Variants in PTPN2 observed in about 807,000 individuals in gnomAD.
PTPN2 encodes protein tyrosine phosphatase non-receptor type 2, also known as tyrosine-protein phosphatase non-receptor type 2.
In PTPN2, 19 loss-of-function variants were observed where a neutral mutation model predicts 57.3. The observed-to-expected ratio is 0.33, with a 90% CI of 0.23 to 0.49. The LOEUF (loss-of-function observed/expected upper bound fraction) is 0.49. Ranked by LOEUF, PTPN2 falls within the 20% of genes least tolerant of loss-of-function variation. The pLI is 0.99. For missense variants in PTPN2, 358 were observed against 501.1 expected (o/e 0.71, Z 2.73); for synonymous variants, 153 against 164.9 (o/e 0.93, Z 0.55).
At chr18:12,794,948 G>C (rs1259986460) in intron 8 of PTPN2, among the ~76,000 whole-genome samples, 1 of 152,164 alleles carries the variant, frequency 6.6e-6, no homozygotes, top group African/African-American at 2.4e-5. Flanking sequence ...ATTCTTTAAT[G>C]ATTCAGAGAT....
At chr18:12,812,129 T>C (rs1260551832) in intron 7 of PTPN2, among the ~76,000 whole-genome samples, 1 of 152,228 alleles carries the variant, frequency 6.6e-6, no homozygotes, top group Non-Finnish European at 1.5e-5. Flanking sequence ...ATACTGGGAA[T>C]ATGCTAATAA....
At chr18:12,788,507 A>C (rs1346931515), downstream of PTPN2, among the ~76,000 whole-genome samples, 2 of 140,128 alleles carry the variant, frequency 1.4e-5, no homozygotes, top group African/African-American at 5.4e-5. Flanking sequence ...CCCTGGGCTC[A>C]AATGATTCTC....
chr18:12,881,601 C>G (rs2044668458), intron 1 of PTPN2, among the ~76,000 whole-genome samples: 1 of 152,200 alleles, frequency 6.6e-6, no homozygotes, highest in Non-Finnish European at 1.5e-5. Context: ...GTTCTCTCAG[C>G]ATTCCCTCAG....
chr18:12,863,226 C>G (rs2043874635), intron 1 of PTPN2: 1 of 152,146 alleles, frequency 6.6e-6, no homozygotes, highest in African/African-American at 2.4e-5. Flanking sequence ...GGAGGCCCAG[C>G]TGGAAGGATC....
chr18:12,870,440 T>C (rs12959596), intron 1 of PTPN2, among the ~76,000 whole-genome samples: 1 of 25,968 alleles, frequency 3.9e-5, no homozygotes, highest in Non-Finnish European at 5.6e-5. Context: ...TATATATATG[T>C]GTATATATAT....
At chr18:12,878,615 T>G (rs1269396513) in intron 1 of PTPN2, among the ~76,000 whole-genome samples, 2 of 151,972 alleles carry the variant, frequency 1.3e-5, no homozygotes, top group African/African-American at 2.4e-5. Flanking sequence ...GAGGTTGCAG[T>G]GAGCTGAGAT....
chr18:12,795,937 C>CTTTT (rs71174143), intron 8 of PTPN2, among the ~76,000 whole-genome samples: 3 of 140,106 alleles, frequency 2.1e-5, no homozygotes, highest in Non-Finnish European at 1.5e-5. Context: ...GATTTAAAAT[C>CTTTT]TTTTTTTTTT....
intron 1 of PTPN2, among the ~76,000 whole-genome samples, chr18:12,870,345 A>G (rs576343415): frequency 0.022 from 1,042 of 47,464 alleles, 240 homozygotes; most frequent in African/African-American, 0.13. Flanking sequence ...ATATATACAT[A>G]TATATGTGTA....
At position 12,817,154 on chromosome 18, in the gene PTPN2, A is replaced by C. The variant is rs747460651; in HGVS notation, c.705+2T>G. ...TAAAATGAGATCGTAAGAAGCACTT[A>C]CCAAAACAAGACAAGTGTCTACCAG... On this transcript the variant is annotated splice_donor_variant, in intron 6 of 8. Transcript: ENST00000309660. LOFTEE classifies it high-confidence loss of function. 1.2e-6 allele frequency: 2 copies of C among 1,610,486 alleles called. No individual in the cohort carries two copies. The highest frequency in any genetic ancestry group is 8.5e-7 in the Non-Finnish European group (1 of 1,178,884).
At position 12,884,151 on chromosome 18, in the gene PTPN2, A is replaced by G. The variant is rs1198486837; in HGVS notation, c.-10T>C. 1 of 1,578,124 alleles carries G rather than the reference A, an allele frequency of 6.3e-7. No individual in the cohort carries two copies. The highest frequency in any genetic ancestry group is 2.4e-5 in the East Asian group (1 of 42,258). On this transcript the variant is annotated 5_prime_UTR_variant, in exon 1 of 9. Coordinates refer to ENST00000309660, the MANE Select transcript of PTPN2 (RefSeq NM_002828.4). Reference sequence around the variant, plus strand: ...CGATGGTGGTGGGCATGGCTGCGGGAGCGAGCTGGCGCGAGCAGAGCCTGC... The same window carrying G: ...CGATGGTGGTGGGCATGGCTGCGGGGGCGAGCTGGCGCGAGCAGAGCCTGC...
rs2145213266 is a variant in PTPN2, at chr18:12,792,961, TAA to T, written c.*1315_*1316del. ...TTATGCAGAAATCTTATGTGGCATA[TAA>T]AGAGACAAGGCAGAGATGCTGTGGT... is the stretch of plus-strand genomic sequence containing the variant. On this transcript the variant is annotated 3_prime_UTR_variant, in exon 9 of 9. Transcript: ENST00000309660. The T allele has an allele frequency of 1.0e-6, 1 of 984,486 alleles. No individual in the cohort carries two copies. The highest frequency in any genetic ancestry group is 1.2e-6 in the Non-Finnish European group (1 of 829,096). The allele number at this position is 984,486 out of a possible 1,614,324, so 61.0% of individuals were successfully genotyped here. A position where few individuals can be genotyped will look rare whatever the true frequency, so the allele number is the denominator to read the frequency against.
chr18:12,827,110 G>A (rs1215987790), intron 4 of PTPN2, among the ~76,000 whole-genome samples: 1 of 151,802 alleles, frequency 6.6e-6, no homozygotes, highest in African/African-American at 2.4e-5. Context: ...TTGGGAGGCT[G>A]AGGCAGGCGG....
chr18:12,868,976 CCT>C (rs1293031341), intron 1 of PTPN2: 6 of 152,048 alleles, frequency 3.9e-5, no homozygotes, highest in African/African-American at 1.4e-4. Flanking sequence ...ATGGCAAAAC[CCT>C]GTCTCTACTA....
chr18:12,823,594 G>A (rs2042345997), intron 5 of PTPN2, among the ~76,000 whole-genome samples: 1 of 152,088 alleles, frequency 6.6e-6, no homozygotes, highest in Non-Finnish European at 1.5e-5. Flanking sequence ...AGAATCACTT[G>A]AATCCAGGAG....
chr18:12,786,126 T>G (rs1277701345), intron 9 of PTPN2: 2 of 435,774 alleles, frequency 4.6e-6, no homozygotes, highest in Admixed American at 9.0e-5. Flanking sequence ...TAAGGTCATC[T>G]TATTTTACTC....
At chr18:12,828,581 T>C (rs2042558123) in intron 4 of PTPN2, among the ~76,000 whole-genome samples, 1 of 152,158 alleles carries the variant, frequency 6.6e-6, no homozygotes, top group Non-Finnish European at 1.5e-5. Flanking sequence ...GGATTCTTGG[T>C]ATGAAAAAGG....
chr18:12,796,700 C>G (rs550930940), intron 8 of PTPN2, among the ~76,000 whole-genome samples: 45 of 152,268 alleles, frequency 3.0e-4, no homozygotes, highest in African/African-American at 7.9e-4. Flanking sequence ...CTATGCAGAA[C>G]TTTGTTCTTG....
rs562445280 is a variant in PTPN2 at position 12,818,155 on chromosome 18, T to A, written c.496-790A>T. 7.2e-4 allele frequency among the ~76,000 whole-genome samples: 110 copies of A among 151,812 alleles called. 1 individual carries two copies. Among genetic ancestry groups the A allele is most frequent in the African/African-American group, 2.6e-3 (106 of 41,408 alleles). On this transcript the variant is annotated intron_variant, in intron 5 of 8. Transcript: ENST00000309660. ...GAAACTCCATCTTCAAAAAAAAAAA[T>A]TTTTTTTCTACCAGTATAATTTTAC...
At chr18:12,843,133 C>T (rs1382907506) in intron 2 of PTPN2, among the ~76,000 whole-genome samples, 2 of 152,094 alleles carry the variant, frequency 1.3e-5, no homozygotes, top group African/African-American at 4.8e-5. Flanking sequence ...CTCTACCAAC[C>T]TACATGATTC....
Sources: gnomAD v4.1 joint callset for allele counts (sites outside exome capture counted in the v4.1 genomes callset) on GRCh38, gnomAD v4.1.1 for gene constraint, MANE v1.5 for transcripts, NCBI Gene and HGNC (gene_info 2026-07-23, HGNC 2026-07-21) for gene names.